Variants in ZNRF1 observed in about 807,000 individuals in gnomAD.
ZNRF1 encodes E3 ubiquitin-protein ligase ZNRF1.
Under a neutral mutation model 18.4 loss-of-function variants are expected in ZNRF1, and 3 were observed. That is an observed-to-expected ratio of 0.16 (90% confidence interval 0.07 to 0.42). ZNRF1 has a LOEUF of 0.42. ZNRF1 is among the 10% of genes least tolerant of loss of function. The pLI is 0.99. For missense variants in ZNRF1, 310 were observed against 329.8 expected, an observed-to-expected ratio of 0.94 and a Z score of 0.47; for synonymous variants, 157 against 144.2, an observed-to-expected ratio of 1.09 and a Z score of -0.64.
At chr16:75,101,859 C>G (rs928147998) in intron 2 of ZNRF1, among the ~76,000 whole-genome samples, 1 of 152,206 alleles carries the variant, frequency 6.6e-6, no homozygotes, top group Non-Finnish European at 1.5e-5. Flanking sequence ...CTAGTGCTTT[C>G]AAGCAGGGGG....
chr16:75,015,921 CTTT>C (rs368763105), intron 1 of ZNRF1, among the ~76,000 whole-genome samples: 3 of 137,394 alleles, frequency 2.2e-5, no homozygotes, highest in Non-Finnish European at 3.1e-5. Flanking sequence ...CTTTTCTTTT[CTTT>C]TTTTTTTTTT....
intron 1 of ZNRF1, among the ~76,000 whole-genome samples, chr16:75,056,363 A>G (rs528240314): frequency 8.5e-5 from 13 of 152,338 alleles, no homozygotes; most frequent in South Asian, 6.2e-4. Context: ...ATCGTTTTCA[A>G]TGACAGTACT....
At chr16:75,016,329 C>T (rs1460617492) in intron 1 of ZNRF1, among the ~76,000 whole-genome samples, 2 of 151,892 alleles carry the variant, frequency 1.3e-5, no homozygotes, top group Non-Finnish European at 2.9e-5. Flanking sequence ...ACCTCCACCT[C>T]CCGGGTTCAA....
chr16:75,095,419 G>A (rs1055049054), intron 2 of ZNRF1, among the ~76,000 whole-genome samples: 2 of 151,996 alleles, frequency 1.3e-5, no homozygotes, highest in Admixed American at 6.5e-5. Context: ...GTCCCTGTTC[G>A]CCGTCTCCGC....
chr16:75,069,920 C>G (rs2145398800), intron 1 of ZNRF1, among the ~76,000 whole-genome samples: 1 of 152,282 alleles, frequency 6.6e-6, no homozygotes, highest in South Asian at 2.1e-4. Context: ...GAGTTCATGT[C>G]TCCACAAAAA....
At chr16:75,016,877 T>C (rs1190189599) in intron 1 of ZNRF1, among the ~76,000 whole-genome samples, 1 of 152,038 alleles carries the variant, frequency 6.6e-6, no homozygotes, top group Non-Finnish European at 1.5e-5. Context: ...TTGTAATAGG[T>C]CTTGCTACAT....
At chr16:75,055,229 A>C (rs916766316) in intron 1 of ZNRF1, among the ~76,000 whole-genome samples, 2 of 152,238 alleles carry the variant, frequency 1.3e-5, no homozygotes, top group East Asian at 3.8e-4. Flanking sequence ...ACTGTTTCTC[A>C]GGTTTAAATA....
At chr16:75,013,865 T>G (rs953038024) in intron 1 of ZNRF1, among the ~76,000 whole-genome samples, 2 of 151,970 alleles carry the variant, frequency 1.3e-5, no homozygotes, top group Non-Finnish European at 2.9e-5. Context: ...AGTCTCACTG[T>G]ATCGCCCAGG....
At chr16:75,040,479 A>C (rs950199299) in intron 1 of ZNRF1, among the ~76,000 whole-genome samples, 2 of 151,904 alleles carry the variant, frequency 1.3e-5, no homozygotes, top group African/African-American at 4.8e-5. Context: ...CCACCGGGCA[A>C]CTGCTATCTC....
chr16:75,008,228 C>T (rs1360253187), intron 1 of ZNRF1, among the ~76,000 whole-genome samples: 1 of 152,134 alleles, frequency 6.6e-6, no homozygotes, highest in African/African-American at 2.4e-5. Context: ...ATCTCTACAG[C>T]TCGCAGAAGG....
intron 1 of ZNRF1, among the ~76,000 whole-genome samples, chr16:75,075,912 T>C (rs1211756211): frequency 2.6e-5 from 4 of 152,176 alleles, no homozygotes; most frequent in Admixed American, 6.5e-5. Flanking sequence ...AGATGCTTCA[T>C]TGGAACTGGG....
chr16:75,047,191 G>A (rs1295977273), intron 1 of ZNRF1, among the ~76,000 whole-genome samples: 2 of 152,294 alleles, frequency 1.3e-5, no homozygotes, highest in East Asian at 3.9e-4. Flanking sequence ...TTTATTTTAA[G>A]AGATGGGGTC....
At chr16:75,040,727 C>G (rs2035437047) in intron 1 of ZNRF1, among the ~76,000 whole-genome samples, 1 of 150,078 alleles carries the variant, frequency 6.7e-6, no homozygotes, top group South Asian at 2.1e-4. Context: ...CTGGCTTAGC[C>G]TCCTGAGTAG....
chr16:75,017,896 A>G (rs1173620459), intron 1 of ZNRF1, among the ~76,000 whole-genome samples: 1 of 152,178 alleles, frequency 6.6e-6, no homozygotes, highest in East Asian at 1.9e-4. Context: ...TGGGAGAGAC[A>G]GTATAGGGTA....
At chr16:75,020,283 G>C (rs939270771) in intron 1 of ZNRF1, among the ~76,000 whole-genome samples, 1 of 151,262 alleles carries the variant, frequency 6.6e-6, no homozygotes, top group African/African-American at 2.4e-5. Flanking sequence ...TTTTCTCTAT[G>C]TCCTAATGTC....
intron 1 of ZNRF1, among the ~76,000 whole-genome samples, chr16:75,074,336 C>T (rs952918426): frequency 3.9e-5 from 6 of 152,172 alleles, no homozygotes; most frequent in Admixed American, 2.0e-4. Context: ...CAGCATGTAG[C>T]ACAGAGCCTA....
At chr16:75,030,973 G>T (rs569703601) in intron 1 of ZNRF1, among the ~76,000 whole-genome samples, 13 of 150,338 alleles carry the variant, frequency 8.6e-5, no homozygotes, top group Non-Finnish European at 1.5e-4. Context: ...AAATAGCTGG[G>T]ACTAGAGGTG....
At chr16:75,000,156 G>C in intron 1 of ZNRF1, 61 bp downstream of exon 1, 8 of 1,557,094 alleles carry the variant, frequency 5.1e-6, no homozygotes, top group Non-Finnish European at 5.2e-6. Context: ...CCAAGCCTTC[G>C]CGTGCGTGCC....
chr16:75,032,187 A>G (rs2035314826), intron 1 of ZNRF1, among the ~76,000 whole-genome samples: 1 of 137,270 alleles, frequency 7.3e-6, no homozygotes, highest in Admixed American at 8.3e-5. Flanking sequence ...TCAGCTTACT[A>G]CACCCTCCGT....
Sources: gnomAD v4.1 joint callset for allele counts (sites outside exome capture counted in the v4.1 genomes callset) on GRCh38, gnomAD v4.1.1 for gene constraint, MANE v1.5 for transcripts, NCBI Gene and HGNC (gene_info 2026-07-23, HGNC 2026-07-21) for gene names.